RANBP3L: variants seen among roughly 807,000 people sequenced by gnomAD.
The protein encoded by RANBP3L is RAN binding protein 3 like.
A neutral mutation model predicts 67.2 loss-of-function variants in RANBP3L; 56 were observed. The ratio of observed to expected loss-of-function variants is 0.83; its 90% confidence interval spans 0.67 to 1.04. The LOEUF (loss-of-function observed/expected upper bound fraction) is 1.04, where lower values mean the gene tolerates loss of function less well. Among genes scored for constraint, RANBP3L ranks in the 50% least tolerant of loss-of-function variants. RANBP3L has a pLI of 0.00. For missense variants in RANBP3L, 496 were observed against 535.5 expected (o/e 0.93, Z 0.73); for synonymous variants, 164 against 181.4 (o/e 0.90, Z 0.77).
At position 36,277,426 on chromosome 5, in the gene RANBP3L, A is replaced by G. The variant is rs2362982; in HGVS notation, c.92-6115T>C. ...TCTCTCTCTCTCTCTCTCTCTCTAT[A>G]TATATATATATATATGTGTGTGTGT... On this transcript the variant is annotated intron_variant, in intron 1 of 13. Coordinates refer to ENST00000296604, the MANE Select transcript of RANBP3L (RefSeq NM_145000.5). Among the ~76,000 whole-genome samples the G allele has an allele frequency of 6.5e-3, 451 of 69,668 alleles. 8 individuals carry two copies. Among genetic ancestry groups the G allele is most frequent in the Admixed American group, 0.047 (345 of 7,372 alleles). 45.7% of individuals were successfully genotyped at this position (69,668 alleles called of 152,430 possible).
chr5:36,254,136 T>C (rs1197152208), intron 11 of RANBP3L, among the ~76,000 whole-genome samples: 1 of 152,080 alleles, frequency 6.6e-6, no homozygotes, highest in African/African-American at 2.4e-5. Context: ...ATGGAATTAG[T>C]TAAATAAATT....
chr5:36,276,385 A>G (rs1253980892), intron 1 of RANBP3L, among the ~76,000 whole-genome samples: 2 of 152,198 alleles, frequency 1.3e-5, no homozygotes, highest in African/African-American at 2.4e-5. Flanking sequence ...TTTTGAGAGA[A>G]CATTCACATA....
intron 1 of RANBP3L, among the ~76,000 whole-genome samples, chr5:36,277,679 A>G (rs1229919394): frequency 6.6e-6 from 1 of 152,094 alleles, no homozygotes; most frequent in African/African-American, 2.4e-5. Context: ...GCAATATGTC[A>G]GGCTACAGTC....
At chr5:36,267,451 T>A (rs1382015512) in intron 4 of RANBP3L, among the ~76,000 whole-genome samples, 2 of 151,158 alleles carry the variant, frequency 1.3e-5, no homozygotes, top group Non-Finnish European at 2.9e-5. Context: ...GAGGTTGCAG[T>A]AAGCTGAGAT....
At chr5:36,300,727 G>A (rs1331239282) in intron 1 of RANBP3L, among the ~76,000 whole-genome samples, 1 of 152,142 alleles carries the variant, frequency 6.6e-6, no homozygotes, top group Non-Finnish European at 1.5e-5. Context: ...TCAGCTGGCT[G>A]GAGAGTGGAT....
At chr5:36,249,775 AT>A (rs1406373963) in intron 13 of RANBP3L, 78 bp from the exon 14 acceptor site, 5 of 583,960 alleles carry the variant, frequency 8.6e-6, no homozygotes, top group Non-Finnish European at 1.5e-5. Context: ...GCAACTAAAC[AT>A]GAATATTAAT....
At chr5:36,252,048 A>G (rs1219626530) in intron 12 of RANBP3L, among the ~76,000 whole-genome samples, 1 of 152,140 alleles carries the variant, frequency 6.6e-6, no homozygotes, top group African/African-American at 2.4e-5. Flanking sequence ...TAAAGTTGGC[A>G]TAACATTTAC....
intron 1 of RANBP3L, among the ~76,000 whole-genome samples, chr5:36,272,889 A>T (rs1750323121): frequency 6.6e-6 from 1 of 152,070 alleles, no homozygotes; most frequent in Admixed American, 6.5e-5. Flanking sequence ...TGATCCACCC[A>T]CCTTGGCCTC....
chr5:36,254,931 A>G (rs1363844), intron 11 of RANBP3L, among the ~76,000 whole-genome samples: 130,467 of 152,068 alleles, frequency 0.86, 57,630 homozygotes, highest in Non-Finnish European at 0.97. Context: ...TTCAATAACT[A>G]CACACCTTAG....
At chr5:36,256,164 C>A (rs182341167) in intron 10 of RANBP3L, among the ~76,000 whole-genome samples, 1 of 152,108 alleles carries the variant, frequency 6.6e-6, no homozygotes, top group Non-Finnish European at 1.5e-5. Flanking sequence ...ATCATTACTA[C>A]TGTGTACAAG....
chr5:36,251,614 G>A lies in RANBP3L; in HGVS notation c.1168-115C>T, dbSNP rs188337415. 3.7e-4 allele frequency: 255 copies of A among 687,364 alleles called. 1 individual carries two copies. In the African/African-American group the frequency reaches 4.3e-3, roughly 12 times the overall value. The allele number at this position is 687,364 out of a possible 1,614,324, so 42.6% of individuals were successfully genotyped here. A position where few individuals can be genotyped will look rare whatever the true frequency, so the allele number is the denominator to read the frequency against. On this transcript the variant is annotated intron_variant, in intron 12 of 13. Transcript: ENST00000296604. ...GAATTACATGGCATAAATCTACAGTGTACATAGGTGCTAACAACCCTAAAA... is the reference window on the plus strand; with the variant it reads ...GAATTACATGGCATAAATCTACAGTATACATAGGTGCTAACAACCCTAAAA...
chr5:36,273,647 A>G (rs1440294438), intron 1 of RANBP3L, among the ~76,000 whole-genome samples: 1 of 152,178 alleles, frequency 6.6e-6, no homozygotes, highest in African/African-American at 2.4e-5. Context: ...GCATTTGTCA[A>G]GCCATTGGGT....
At chr5:36,294,169 A>G (rs1206426455) in intron 1 of RANBP3L, among the ~76,000 whole-genome samples, 2 of 151,644 alleles carry the variant, frequency 1.3e-5, no homozygotes, top group Admixed American at 1.3e-4. Flanking sequence ...TTTCTTCTAG[A>G]TTTTCTAGTT....
chr5:36,301,448 C>T lies in RANBP3L; in HGVS notation c.-32G>A. 1 of 1,548,550 alleles carries T rather than the reference C, an allele frequency of 6.5e-7. No individual in the cohort carries two copies. The highest frequency in any genetic ancestry group is 1.1e-5 in the South Asian group (1 of 89,786). On this transcript the variant is annotated 5_prime_UTR_variant, in exon 1 of 14. Transcript: ENST00000296604. Reference sequence around the variant, plus strand: ...AGCAGTATGGCTGTGACTCAAGGATCACTAGGGCACCTCCTTCTCTGGCCA... The same window carrying T: ...AGCAGTATGGCTGTGACTCAAGGATTACTAGGGCACCTCCTTCTCTGGCCA...
rs1748446576 is a variant in RANBP3L at position 36,249,399 on chromosome 5, A to G, written c.*255T>C. The G allele has an allele frequency of 7.6e-6, 2 of 262,360 alleles. No homozygotes were observed. The highest frequency in any genetic ancestry group is 2.6e-4 in the South Asian group (2 of 7,592). The allele number at this position is 262,360 out of a possible 1,614,324, so 16.3% of individuals were successfully genotyped here. ...CAAATTAGTTATAAAATCCTATTCT[A>G]AATAAACTTCTTCAAAAATGATAAA... On this transcript the variant is annotated 3_prime_UTR_variant, in exon 14 of 14. Transcript: ENST00000296604.
rs1011694257 is a variant in RANBP3L at position 36,247,812 on chromosome 5, C to G, written c.*1842G>C. 1.3e-5 allele frequency among the ~76,000 whole-genome samples: 2 copies of G among 152,124 alleles called. No homozygotes were observed. Among genetic ancestry groups the G allele is most frequent in the African/African-American group, 4.8e-5 (2 of 41,424 alleles). On this transcript the variant is annotated 3_prime_UTR_variant, in exon 14 of 14. Coordinates refer to ENST00000296604, the MANE Select transcript of RANBP3L (RefSeq NM_145000.5). ...GTGAGGCACGAGAATCCCTTGAACC[C>G]GGGAGGGGGAGGTTGAAGTGAGCCG...
At chr5:36,267,006 C>T (rs1047416668) in intron 4 of RANBP3L, among the ~76,000 whole-genome samples, 11 of 152,190 alleles carry the variant, frequency 7.2e-5, no homozygotes, top group African/African-American at 2.7e-4. Context: ...ATCTGCCTGC[C>T]TTGGCCTCTC....
intron 4 of RANBP3L, chr5:36,268,074 C>G (rs1472117254): frequency 3.6e-6 from 2 of 562,762 alleles, no homozygotes; most frequent in African/African-American, 3.9e-5. Context: ...TTTGCTAAGG[C>G]CTCTGTTTAT....
intron 1 of RANBP3L, among the ~76,000 whole-genome samples, chr5:36,272,078 GACTA>G (rs1750256200): frequency 6.6e-6 from 1 of 151,634 alleles, no homozygotes; most frequent in South Asian, 2.1e-4. Flanking sequence ...ATCACTAATT[GACTA>G]ACTACTTTGG....
Sources: gnomAD v4.1 joint callset for allele counts (sites outside exome capture counted in the v4.1 genomes callset) on GRCh38, gnomAD v4.1.1 for gene constraint, MANE v1.5 for transcripts, NCBI Gene and HGNC (gene_info 2026-07-23, HGNC 2026-07-21) for gene names.